The following ATP2C2 variants were observed in gnomAD, a reference collection of about 807,000 sequenced individuals.
ATP2C2 encodes the protein ATPase secretory pathway Ca2+ transporting 2.
A neutral mutation model predicts 110.8 loss-of-function variants in ATP2C2; 171 were observed. That is an observed-to-expected ratio of 1.54 (90% CI 1.36 to 1.75). ATP2C2 has a LOEUF of 1.75. ATP2C2 is among the 40% of genes most tolerant of loss of function. The pLI, the probability that ATP2C2 is intolerant of heterozygous loss-of-function variation, is 0.00. For missense variants in ATP2C2, 1,963 were observed against 1,235.0 expected, an observed-to-expected ratio of 1.59 and a Z score of -8.84; for synonymous variants, 804 against 508.4, an observed-to-expected ratio of 1.58 and a Z score of -7.82.
chr16:84,393,829 G>T (rs769638372), intron 1 of ATP2C2, among the ~76,000 whole-genome samples: 4 of 151,530 alleles, frequency 2.6e-5, no homozygotes, highest in East Asian at 3.9e-4. Flanking sequence ...AGTGGTGGAC[G>T]GAGTTCCTGC....
intron 3 of ATP2C2, chr16:84,406,563 G>C: frequency 2.0e-6 from 2 of 984,410 alleles, no homozygotes; most frequent in Non-Finnish European, 2.4e-6. Context: ...CACTCTCCTT[G>C]AGGTCCCCTC....
chr16:84,458,949 A>G (rs1466088131), intron 21 of ATP2C2, among the ~76,000 whole-genome samples, 171 bp from the exon 22 acceptor site: 1 of 152,066 alleles, frequency 6.6e-6, no homozygotes, highest in African/African-American at 2.4e-5. Context: ...CTGTTAGAAC[A>G]CCACCGTCTC....
intron 4 of ATP2C2, among the ~76,000 whole-genome samples, chr16:84,409,039 C>T (rs1311921576): frequency 3.3e-5 from 5 of 152,114 alleles, no homozygotes; most frequent in Non-Finnish European, 5.9e-5. Context: ...TGTCCCCGCT[C>T]CTACCAGCCC....
At chr16:84,449,791 A>AG (rs1176799297) in intron 17 of ATP2C2, among the ~76,000 whole-genome samples, 1 of 152,232 alleles carries the variant, frequency 6.6e-6, no homozygotes, top group Admixed American at 6.5e-5. Context: ...GCCATTCAGT[A>AG]GCTCCCTGTT....
intron 7 of ATP2C2, among the ~76,000 whole-genome samples, chr16:84,420,864 G>A (rs2150541989): frequency 6.6e-6 from 1 of 152,244 alleles, no homozygotes; most frequent in African/African-American, 2.4e-5. Context: ...GGAGTGCAGT[G>A]GGGCAATCTC....
intron 2 of ATP2C2, among the ~76,000 whole-genome samples, chr16:84,402,517 T>C (rs922580050): frequency 5.9e-5 from 9 of 152,228 alleles, no homozygotes; most frequent in African/African-American, 1.7e-4. Context: ...TATGAAGAGA[T>C]GTTGAATTCT....
At chr16:84,427,052 G>T (rs984313798) in intron 11 of ATP2C2, among the ~76,000 whole-genome samples, 1 of 152,164 alleles carries the variant, frequency 6.6e-6, no homozygotes, top group Non-Finnish European at 1.5e-5. Flanking sequence ...AGGGAGCCTA[G>T]GGGCTGTGCC....
At chr16:84,398,891 A>G (rs1463838466) in intron 2 of ATP2C2, among the ~76,000 whole-genome samples, 4 of 152,236 alleles carry the variant, frequency 2.6e-5, no homozygotes, top group Non-Finnish European at 4.4e-5. Context: ...TGGCAAAAAC[A>G]TAAAGGGATG....
In ATP2C2 at chr16:84,452,237, G is replaced by C. The variant is rs543011087; in HGVS notation, c.1831+146G>C. 24 of 1,032,888 alleles carry C rather than the reference G, an allele frequency of 2.3e-5. No homozygotes were observed. The South Asian group carries it at 2.7e-4, about 12-fold the overall frequency. 64.0% of individuals were successfully genotyped at this position (1,032,888 alleles called of 1,614,324 possible). ...GGCTTAGAAAAGACGCTGAGTATTC[G>C]TGTGCCAGCATTCCAATTTCTGAGG... On this transcript the variant is annotated intron_variant, in intron 18 of 26. Transcript: ENST00000262429.
chr16:84,374,099 A>G (rs1344138690), intron 1 of ATP2C2, among the ~76,000 whole-genome samples: 1 of 152,226 alleles, frequency 6.6e-6, no homozygotes, highest in East Asian at 1.9e-4. Context: ...TTCATTTGGT[A>G]TCTATTTGTA....
chr16:84,432,656 G>A (rs1908386528), intron 11 of ATP2C2, among the ~76,000 whole-genome samples: 1 of 152,066 alleles, frequency 6.6e-6, no homozygotes, highest in African/African-American at 2.4e-5. Flanking sequence ...AAGTAGCTGA[G>A]ATTACAGGTG....
intron 2 of ATP2C2, chr16:84,404,320 G>T (rs1905559104): frequency 6.5e-6 from 1 of 153,982 alleles, no homozygotes; most frequent in African/African-American, 2.4e-5. Flanking sequence ...AACTGAATCT[G>T]TCTCCATTAA....
In ATP2C2 at chr16:84,425,754, C is replaced by G. The variant is rs1394418132; in HGVS notation, c.939C>G (p.Gly313=). 2 of 1,614,100 alleles carry G rather than the reference C, an allele frequency of 1.2e-6. No homozygotes were observed. The highest frequency in any genetic ancestry group is 1.6e-4 in the Middle Eastern group (1 of 6,062). The change falls in exon 11 of 27, where the codon GGC becomes GGG. Residue 313 remains glycine, a synonymous_variant. Coordinates refer to ENST00000262429, the MANE Select transcript of ATP2C2 (RefSeq NM_014861.4). ...FGIIGLIMLI[G]WSQGKQLLSM... ...CCCCAGGTCTCATCATGCTCATTGG[C>G]TGGTCGCAAGGGAAACAACTCCTGA...
At chr16:84,413,993 A>G (rs1906615332) in intron 6 of ATP2C2, among the ~76,000 whole-genome samples, 1 of 152,202 alleles carries the variant, frequency 6.6e-6, no homozygotes. Context: ...GTCCAGGTAC[A>G]CAAAAGCCAA....
At position 84,461,837 on chromosome 16, in the gene ATP2C2, G is replaced by C. The variant is rs201416492; in HGVS notation, c.2580+25G>C. Reference sequence around the variant, plus strand: ...GGTGAGACCCGGGCTGACCCTCCTCGCTGCAGAGCTGCTGTGTGTTCTCGA... The same window carrying C: ...GGTGAGACCCGGGCTGACCCTCCTCCCTGCAGAGCTGCTGTGTGTTCTCGA... On this transcript the variant is annotated intron_variant, in intron 25 of 26. Transcript: ENST00000262429. The C allele has an allele frequency of 3.1e-6, 5 of 1,610,208 alleles. No individual in the cohort carries two copies. In the Admixed American group the frequency reaches 8.3e-5, roughly 27 times the overall value.
intron 16 of ATP2C2, among the ~76,000 whole-genome samples, chr16:84,447,538 CTATT>C (rs981037828): frequency 4.8e-4 from 73 of 151,032 alleles, no homozygotes; most frequent in African/African-American, 1.5e-3. Context: ...AACAAGGTCA[CTATT>C]TATAGTGTGT....
intron 17 of ATP2C2, among the ~76,000 whole-genome samples, chr16:84,450,853 C>A (rs1422667543): frequency 1.3e-5 from 2 of 152,068 alleles, no homozygotes; most frequent in Non-Finnish European, 2.9e-5. Flanking sequence ...CCCAAGACTG[C>A]TGGAGATGAC....
intron 11 of ATP2C2, among the ~76,000 whole-genome samples, chr16:84,433,225 G>C (rs1908434465): frequency 6.6e-6 from 1 of 151,922 alleles, no homozygotes; most frequent in Non-Finnish European, 1.5e-5. Context: ...AAAAACAAAT[G>C]TTTTGTTATT....
chr16:84,399,032 T>C (rs1296991625), intron 2 of ATP2C2, among the ~76,000 whole-genome samples: 1 of 152,270 alleles, frequency 6.6e-6, no homozygotes, highest in African/African-American at 2.4e-5. Flanking sequence ...TCGTCTTTTA[T>C]AATCCGTGGA....
Sources: allele counts gnomAD v4.1 joint callset (sites outside exome capture counted in the v4.1 genomes callset), GRCh38; gene constraint gnomAD v4.1.1; transcripts MANE v1.5; gene names NCBI Gene and HGNC (gene_info 2026-07-23, HGNC 2026-07-21).